The following DOCK6 variants were observed in gnomAD, a reference collection of about 807,000 sequenced individuals.
DOCK6 encodes the protein dedicator of cytokinesis protein 6.
DOCK6 carries 167 observed loss-of-function variants against 230.3 expected under a neutral mutation model. The observed-to-expected ratio is 0.73, with a 90% CI of 0.64 to 0.82. DOCK6 has a LOEUF of 0.82. Among genes scored for constraint, DOCK6 ranks in the 40% least tolerant of loss-of-function variants. DOCK6 has a pLI of 0.00. For missense variants in DOCK6, 2,598 were observed against 2,825.8 expected (o/e 0.92, Z 1.83); for synonymous variants, 1,148 against 1,185.0 (o/e 0.97, Z 0.64).
chr19:11,234,297 G>A (rs10421382), intron 21 of DOCK6, among the ~76,000 whole-genome samples: 4 of 151,028 alleles, frequency 2.6e-5, no homozygotes, highest in East Asian at 2.0e-4. Context: ...TGTGCCTGGC[G>A]TATTTTATTT....
At chr19:11,249,086 C>T (rs1175993685) in intron 6 of DOCK6, among the ~76,000 whole-genome samples, 1 of 152,026 alleles carries the variant, frequency 6.6e-6, no homozygotes, top group Non-Finnish European at 1.5e-5. Flanking sequence ...TAAAAATAGA[C>T]ATATGTGGTA....
Position 11,209,085 on chromosome 19 carries a change from C to A in DOCK6, c.4770G>T (p.Gln1590His), listed in dbSNP as rs751219528. The change falls in exon 38 of 48, where the codon CAG becomes CAT. Residue 1590 changes from glutamine to histidine, a missense_variant. Physicochemically the swap from Gln to His is conservative, Grantham distance 24. Transcript: ENST00000294618. Reference protein sequence around the residue: ...DLMYRIARGYQGSPDLRLTWL... With the variant: ...DLMYRIARGYHGSPDLRLTWL... The stretch of plus-strand genomic sequence containing the variant: ...AGGTCAGCCGAAGGTCCGGTGAGCC[C>A]TGGTAGCCCCGGGCAATTCTGGAGT... 1 of 1,611,964 alleles carries A rather than the reference C, an allele frequency of 6.2e-7. No homozygotes were observed. Among genetic ancestry groups the A allele is most frequent in the African/African-American group, 1.3e-5 (1 of 74,972 alleles).
In DOCK6 at chr19:11,243,187, G is replaced by A. The variant is rs370727806; in HGVS notation, c.1387-35C>T. Reference sequence around the variant, plus strand: ...ACCCACTCCCGTCAGCCTGGGCCAGGGGGCTAGGGGTCCCCAGGGCTAATG... The same window carrying A: ...ACCCACTCCCGTCAGCCTGGGCCAGAGGGCTAGGGGTCCCCAGGGCTAATG... On this transcript the variant is annotated intron_variant, in intron 12 of 47. Coordinates refer to ENST00000294618, the MANE Select transcript of DOCK6 (RefSeq NM_020812.4). This position sits in a 1 kb window ranked among gnomAD's most constrained non-coding sequence, Gnocchi z 6.3. 2 of 1,612,736 alleles carry A rather than the reference G, an allele frequency of 1.2e-6. No individual in the cohort carries two copies. The highest frequency in any genetic ancestry group is 1.7e-5 in the Admixed American group (1 of 59,982).
chr19:11,226,589 C>T (rs149939548), intron 24 of DOCK6, among the ~76,000 whole-genome samples: 2,582 of 152,094 alleles, frequency 0.017, 36 homozygotes, highest in Non-Finnish European at 0.023. Context: ...ACCTGGGAGG[C>T]GGAGGTTGTG....
In DOCK6 at chr19:11,201,746, A is replaced by G; in HGVS notation, c.5688+143T>C. Reference sequence around the variant, plus strand: ...CCTCCCCTCCCTGGGGATCTGGTCTAGGGTCCCTGTGCCACCCCTCTCTGG... The same window carrying G: ...CCTCCCCTCCCTGGGGATCTGGTCTGGGGTCCCTGTGCCACCCCTCTCTGG... On this transcript the variant is annotated intron_variant, in intron 44 of 47. Coordinates refer to ENST00000294618, the MANE Select transcript of DOCK6 (RefSeq NM_020812.4). The surrounding 1 kb of genome is among the most constrained non-coding windows in gnomAD (Gnocchi z 4.3). 2.7e-6 allele frequency: 2 copies of G among 753,888 alleles called. No individual in the cohort carries two copies. The highest frequency in any genetic ancestry group is 2.7e-5 in the East Asian group (1 of 36,892). 46.7% of individuals were successfully genotyped at this position (753,888 alleles called of 1,614,324 possible).
At chr19:11,219,175 T>A (rs1456026880) in intron 28 of DOCK6, among the ~76,000 whole-genome samples, 4 of 42,628 alleles carry the variant, frequency 9.4e-5, no homozygotes, top group Non-Finnish European at 1.6e-4. Flanking sequence ...CTGCGCCCGG[T>A]TTTTTTTTTT....
chr19:11,262,369 G>T (rs769824897), intron 1 of DOCK6, 28 bp downstream of exon 1: 2 of 1,253,448 alleles, frequency 1.6e-6, no homozygotes, highest in Admixed American at 7.5e-5. Flanking sequence ...CGTGGGGGAG[G>T]TGGGAGGGGG....
Position 11,243,444 on chromosome 19 carries a change from G to A in DOCK6, c.1259-59C>T. ...CCAAGATGAAACAGGGAGACTCAGG[G>A]GCGGCACAGTTCGGCCAGCAGAGGG... On this transcript the variant is annotated intron_variant, in intron 11 of 47. Transcript: ENST00000294618. This position sits in a 1 kb window ranked among gnomAD's most constrained non-coding sequence, Gnocchi z 6.3. The A allele has an allele frequency of 6.4e-7, 1 of 1,572,308 alleles. No individual in the cohort carries two copies. Among genetic ancestry groups the A allele is most frequent in the Non-Finnish European group, 8.6e-7 (1 of 1,160,954 alleles).
At chr19:11,205,886 A>C (rs1444004854) in intron 39 of DOCK6, 1 of 151,848 alleles carries the variant, frequency 6.6e-6, no homozygotes, top group Non-Finnish European at 1.5e-5. Context: ...CGGCCTCCCA[A>C]AGTGCTGGGA....
intron 24 of DOCK6, among the ~76,000 whole-genome samples, chr19:11,223,813 A>AT (rs1568235825): frequency 2.0e-5 from 3 of 151,930 alleles, no homozygotes; most frequent in South Asian, 4.2e-4. Flanking sequence ...CGCCTAGCTA[A>AT]TTTTTTTATT....
chr19:11,212,339 T>A (rs986919676), intron 35 of DOCK6, among the ~76,000 whole-genome samples, 188 bp from the exon 36 acceptor site: 11 of 152,164 alleles, frequency 7.2e-5, no homozygotes, highest in African/African-American at 2.6e-4. Context: ...TCTCCCGAGT[T>A]CAGGCAATTC....
In DOCK6 at chr19:11,260,400, T is replaced by C. The variant is rs183297208; in HGVS notation, c.44+1997A>G. On this transcript the variant is annotated intron_variant, in intron 1 of 47. Transcript: ENST00000294618. ...TTTGAGGCCAGCCTGGGCAAGATAG[T>C]GAGATCCCGTTTCTACAAAAGGTTA... Among the ~76,000 whole-genome samples, 557 of 151,900 alleles carry C rather than the reference T, an allele frequency of 3.7e-3. 3 individuals are homozygous for C. The highest frequency in any genetic ancestry group is 0.013 in the African/African-American group (531 of 41,418).
chr19:11,256,470 C>T (rs898312495), intron 1 of DOCK6, among the ~76,000 whole-genome samples: 1 of 152,104 alleles, frequency 6.6e-6, no homozygotes, highest in Non-Finnish European at 1.5e-5. Flanking sequence ...GGACTCTGCA[C>T]GGAGAGCCGT....
At chr19:11,207,413 C>T (rs2079280533) in intron 39 of DOCK6, among the ~76,000 whole-genome samples, 1 of 150,878 alleles carries the variant, frequency 6.6e-6, no homozygotes, top group Admixed American at 6.6e-5. Flanking sequence ...CCAGGCTGGT[C>T]TTGAACTCCT....
At chr19:11,237,601 CGAG>C in intron 17 of DOCK6, 37 bp downstream of exon 17, 1 of 938,248 alleles carries the variant, frequency 1.1e-6, no homozygotes, top group Non-Finnish European at 1.4e-6. Flanking sequence ...GGTTGGGGGA[CGAG>C]GAGGGCTCAG....
In DOCK6 at chr19:11,215,406, T is replaced by G. The variant is rs763448265; in HGVS notation, c.4087A>C (p.Thr1363Pro). The change falls in exon 32 of 48, where the codon ACC becomes CCC. Residue 1363 changes from threonine to proline, a missense_variant. Physicochemically the swap from Thr to Pro is conservative, Grantham distance 38. Transcript: ENST00000294618. ...WRKSVTHWKQ[T>P]SDRVDKTKDE... ...ACCTACTTGTCCACGCGGTCTGAGG[T>G]TTGCTTCCAGTGTGTGACGCTCTTC... The G allele has an allele frequency of 6.2e-7, 1 of 1,613,096 alleles. No homozygotes were observed. The highest frequency in any genetic ancestry group is 1.1e-5 in the South Asian group (1 of 91,008).
rs747006582 is a variant in DOCK6 at position 11,202,048 on chromosome 19, G to A, written c.5529C>T (p.Arg1843=). The A allele has an allele frequency of 2.5e-6, 4 of 1,614,058 alleles. No individual in the cohort carries two copies. Among genetic ancestry groups the A allele is most frequent in the Admixed American group, 1.7e-5 (1 of 60,024 alleles). ...ACAGGAATGTGCGAAGCCCATAGTT[G>A]CGGTCAAAGTAGGTCACCCGGTCCT... is the stretch of plus-strand genomic sequence containing the variant. ...ELKDRVTYFD[R]NYGLRTFLFC... Residue 1843 remains arginine, a synonymous_variant, in exon 44 of 48, where the codon CGC becomes CGT. Transcript: ENST00000294618. This position sits in a 1 kb window ranked among gnomAD's most constrained non-coding sequence, Gnocchi z 5.3.
At position 11,243,347 on chromosome 19, in the gene DOCK6, GC is replaced by G; in HGVS notation, c.1296del (p.Gln434ArgfsTer21). On this transcript the variant is annotated frameshift_variant, in exon 12 of 48. Transcript: ENST00000294618. LOFTEE classifies it high-confidence loss of function. The surrounding 1 kb of genome is among the most constrained non-coding windows in gnomAD (Gnocchi z 6.3). ...RPAWTDRRRRGPQDRASSGDD... is the reference protein window; with the variant it reads ...RPAWTDRRRRXPQDRASSGDD... ...TCCCCACTACTCGCCCGGTCCTGGGGCCCCCGACGGCGGCGGTCTGTCCAGG... is the reference window on the plus strand; with the variant it reads ...TCCCCACTACTCGCCCGGTCCTGGGGCCCCGACGGCGGCGGTCTGTCCAGG... 1.3e-6 allele frequency: 2 copies of G among 1,599,422 alleles called. No individual in the cohort carries two copies. Among genetic ancestry groups the G allele is most frequent in the Admixed American group, 1.7e-5 (1 of 57,444 alleles).
chr19:11,240,161 G>T, intron 14 of DOCK6: 1 of 1,552,106 alleles, frequency 6.4e-7, no homozygotes, highest in Non-Finnish European at 8.7e-7. Flanking sequence ...TGCAGCTGCA[G>T]GCAGAGGCCA....
Sources: gnomAD v4.1 joint callset for allele counts (sites outside exome capture counted in the v4.1 genomes callset) on GRCh38, gnomAD v4.1.1 for gene constraint, Gnocchi (gnomAD v3.1) non-coding constraint, MANE v1.5 for transcripts, NCBI Gene and HGNC (gene_info 2026-07-23, HGNC 2026-07-21) for gene names.